MEGF11: variants seen among roughly 807,000 people sequenced by gnomAD.
MEGF11 encodes the protein multiple EGF like domains 11.
In MEGF11, 126 loss-of-function variants were observed where a neutral mutation model predicts 146.6. The observed-to-expected ratio is 0.86, with a 90% CI of 0.74 to 1.00. The LOEUF is 1.00. MEGF11 is among the 50% of genes least tolerant of loss of function. The probability of loss-of-function intolerance (pLI) is 0.00; values close to 1 mark genes in which losing one functional copy is unlikely to be tolerated. For synonymous variants in MEGF11, 532 were observed against 583.4 expected (o/e 0.91, Z 1.27); for missense variants, 1,509 against 1,521.2 (o/e 0.99, Z 0.13).
chr15:66,124,327 A>G (rs2088219547), intron 2 of MEGF11, among the ~76,000 whole-genome samples: 1 of 152,260 alleles, frequency 6.6e-6, no homozygotes, highest in Admixed American at 6.5e-5. Context: ...AGGCAGAGCC[A>G]ACAAGTTTAA....
chr15:66,046,699 C>T (rs906853484), intron 5 of MEGF11, among the ~76,000 whole-genome samples: 5 of 152,208 alleles, frequency 3.3e-5, no homozygotes, highest in African/African-American at 1.2e-4. Flanking sequence ...AAAGAGAGAG[C>T]CCAGAGCAGT....
intron 5 of MEGF11, among the ~76,000 whole-genome samples, chr15:66,068,105 C>T (rs1411088578): frequency 1.3e-5 from 2 of 152,242 alleles, no homozygotes; most frequent in East Asian, 3.9e-4. Context: ...ATAAAAACCC[C>T]TGGTATTAAT....
intron 5 of MEGF11, among the ~76,000 whole-genome samples, chr15:66,063,423 A>G (rs1215833934): frequency 6.6e-6 from 1 of 152,190 alleles, no homozygotes; most frequent in Non-Finnish European, 1.5e-5. Flanking sequence ...GGTCCCTCCC[A>G]ACTAATCAGC....
chr15:65,915,017 G>C (rs2078946254), intron 19 of MEGF11, among the ~76,000 whole-genome samples: 1 of 152,212 alleles, frequency 6.6e-6, no homozygotes, highest in African/African-American at 2.4e-5. Flanking sequence ...CTAGAACCAA[G>C]GTTGAGCCCC....
chr15:66,198,184 A>G (rs1026151450), intron 1 of MEGF11, among the ~76,000 whole-genome samples: 1 of 152,264 alleles, frequency 6.6e-6, no homozygotes, highest in Non-Finnish European at 1.5e-5. Context: ...TGACAGTCTC[A>G]AATAAAAGCA....
At chr15:66,058,788 C>A (rs2084782083) in intron 5 of MEGF11, among the ~76,000 whole-genome samples, 1 of 152,148 alleles carries the variant, frequency 6.6e-6, no homozygotes, top group South Asian at 2.1e-4. Flanking sequence ...GTGATGCCTC[C>A]TTTGATGACA....
chr15:65,954,315 C>T (rs1282782829), intron 10 of MEGF11, among the ~76,000 whole-genome samples: 1 of 152,192 alleles, frequency 6.6e-6, no homozygotes, highest in Non-Finnish European at 1.5e-5. Flanking sequence ...CGAGTCTCTG[C>T]TGAGTCTGCT....
At chr15:65,977,541 G>A (rs538011927) in intron 7 of MEGF11, among the ~76,000 whole-genome samples, 76 of 148,418 alleles carry the variant, frequency 5.1e-4, no homozygotes, top group Non-Finnish European at 8.7e-4. Context: ...GTGCAATGGC[G>A]CAATCTTGGC....
intron 5 of MEGF11, among the ~76,000 whole-genome samples, chr15:66,024,099 AC>A (rs1429449397): frequency 6.6e-6 from 1 of 152,206 alleles, no homozygotes; most frequent in Non-Finnish European, 1.5e-5. Context: ...TTCCTGGGGA[AC>A]CCAGAGCAGA....
At chr15:66,144,109 A>G (rs992062824) in intron 1 of MEGF11, among the ~76,000 whole-genome samples, 4 of 152,204 alleles carry the variant, frequency 2.6e-5, no homozygotes, top group African/African-American at 7.2e-5. Flanking sequence ...TGCTCCCAGC[A>G]CACACGGACA....
chr15:66,202,767 T>C (rs541297409), intron 1 of MEGF11, among the ~76,000 whole-genome samples: 1 of 152,298 alleles, frequency 6.6e-6, no homozygotes, highest in East Asian at 1.9e-4. Flanking sequence ...TCTGCTCCCC[T>C]CTCCAGAAGC....
At chr15:66,120,225 G>C (rs1462947793) in intron 3 of MEGF11, among the ~76,000 whole-genome samples, 1 of 152,200 alleles carries the variant, frequency 6.6e-6, no homozygotes, top group Non-Finnish European at 1.5e-5. Flanking sequence ...GAAATACTGA[G>C]TCCTTAGAAG....
rs553304981 is a variant in MEGF11, at chr15:66,221,489, G to A, written c.-9+32116C>T. ...AATTTCACAACTGTCAGAGGACCTCGTTCACCCTTTCCAGTCAGACCACCG... is the reference window on the plus strand; with the variant it reads ...AATTTCACAACTGTCAGAGGACCTCATTCACCCTTTCCAGTCAGACCACCG... On this transcript the variant is annotated intron_variant, in intron 1 of 25. Transcript: ENST00000395614. Among the ~76,000 whole-genome samples the A allele has an allele frequency of 2.4e-4, 37 of 151,808 alleles. 1 individual carries two copies. Among genetic ancestry groups the A allele is most frequent in the African/African-American group, 7.7e-4 (32 of 41,350 alleles).
intron 5 of MEGF11, among the ~76,000 whole-genome samples, chr15:66,041,441 G>C (rs2083971747): frequency 1.3e-5 from 2 of 152,226 alleles, no homozygotes; most frequent in African/African-American, 4.8e-5. Flanking sequence ...CATGAGAAAG[G>C]GCTCTGTGCT....
At chr15:66,189,330 C>A (rs925983944) in intron 1 of MEGF11, among the ~76,000 whole-genome samples, 10 of 151,954 alleles carry the variant, frequency 6.6e-5, no homozygotes, top group Admixed American at 3.3e-4. Context: ...CAGATGCCAG[C>A]GGGAAGGGGA....
intron 1 of MEGF11, among the ~76,000 whole-genome samples, chr15:66,162,239 A>C (rs1236147530): frequency 6.6e-6 from 1 of 152,234 alleles, no homozygotes; most frequent in Non-Finnish European, 1.5e-5. Flanking sequence ...ATTTTTAAAA[A>C]GAGAGTGGCC....
intron 10 of MEGF11, among the ~76,000 whole-genome samples, chr15:65,955,794 A>ATATATATACACACG (rs1567175147): frequency 3.9e-5 from 1 of 25,766 alleles, no homozygotes; most frequent in Non-Finnish European, 8.1e-5. Context: ...ATATATATAT[A>ATATATATACACACG]CACACACACA....
intron 1 of MEGF11, among the ~76,000 whole-genome samples, chr15:66,214,697 A>G (rs2091542654): frequency 6.6e-6 from 1 of 152,060 alleles, no homozygotes; most frequent in Non-Finnish European, 1.5e-5. Context: ...TTCTCACTGC[A>G]TCATCTTGTG....
rs540087192 is a variant in MEGF11 at position 66,211,453 on chromosome 15, G to T, written c.-9+42152C>A. Among the ~76,000 whole-genome samples, 4 of 151,318 alleles carry T rather than the reference G, an allele frequency of 2.6e-5. No individual in the cohort carries two copies. The South Asian group carries it at 6.2e-4, about 24-fold the overall frequency. On this transcript the variant is annotated intron_variant, in intron 1 of 25. Transcript: ENST00000395614. Reference sequence around the variant, plus strand: ...GCAGGAAAATGGCGTGAACCCGGGAGGGGGAGCTTGCAGTGAGCCAAGATG... The same window carrying T: ...GCAGGAAAATGGCGTGAACCCGGGATGGGGAGCTTGCAGTGAGCCAAGATG...
Sources: allele counts gnomAD v4.1 joint callset (sites outside exome capture counted in the v4.1 genomes callset), GRCh38; gene constraint gnomAD v4.1.1; transcripts MANE v1.5; gene names NCBI Gene and HGNC (gene_info 2026-07-23, HGNC 2026-07-21).